Variants in HNRNPLL observed in about 807,000 individuals in gnomAD.
HNRNPLL encodes heterogeneous nuclear ribonucleoprotein L-like.
HNRNPLL carries 25 observed loss-of-function variants against 67.1 expected under a neutral mutation model. The ratio of observed to expected loss-of-function variants is 0.37; its 90% confidence interval spans 0.27 to 0.52. The LOEUF is 0.52. HNRNPLL is among the 20% of genes least tolerant of loss of function. The pLI is 0.90. For missense variants in HNRNPLL, 542 were observed against 673.9 expected (o/e 0.80, Z 2.17); for synonymous variants, 267 against 241.7 (o/e 1.10, Z -0.97).
At chr2:38,592,594 A>G (rs1350406795) in intron 1 of HNRNPLL, among the ~76,000 whole-genome samples, 1 of 152,272 alleles carries the variant, frequency 6.6e-6, no homozygotes, top group African/African-American at 2.4e-5. Context: ...ATCTTCGAGT[A>G]TGCCAGGCAG....
At chr2:38,584,027 T>C (rs1363723454) in intron 3 of HNRNPLL, 101 bp from the exon 4 acceptor site, 9 of 498,646 alleles carry the variant, frequency 1.8e-5, no homozygotes, top group Non-Finnish European at 3.3e-5. Context: ...ACTGTCAAGA[T>C]GTCATTTCTA....
At chr2:38,570,753 A>C (rs1421758261) in intron 8 of HNRNPLL, among the ~76,000 whole-genome samples, 1 of 152,160 alleles carries the variant, frequency 6.6e-6, no homozygotes, top group Non-Finnish European at 1.5e-5. Flanking sequence ...CTGAAACTGC[A>C]GACAATCCCT....
chr2:38,571,901 A>C (rs1666099717), intron 8 of HNRNPLL, among the ~76,000 whole-genome samples: 1 of 152,210 alleles, frequency 6.6e-6, no homozygotes, highest in South Asian at 2.1e-4. Flanking sequence ...TGAGTTTCTA[A>C]ATCATATGAG....
chr2:38,581,501 G>C (rs536132038), intron 6 of HNRNPLL: 445 of 221,918 alleles, frequency 2.0e-3, no homozygotes, highest in Non-Finnish European at 2.8e-3. Context: ...ATGAAGTGTA[G>C]AGTCAGCCTG....
At chr2:38,574,789 T>C (rs1225157796) in intron 7 of HNRNPLL, among the ~76,000 whole-genome samples, 3 of 151,842 alleles carry the variant, frequency 2.0e-5, no homozygotes, top group African/African-American at 7.2e-5. Flanking sequence ...TTATTGGCAA[T>C]TGGTAGTTTA....
At position 38,569,768 on chromosome 2, in the gene HNRNPLL, A is replaced by AT. The variant is rs763560553; in HGVS notation, c.1214+35dup. On this transcript the variant is annotated intron_variant, in intron 9 of 12. Coordinates refer to ENST00000449105, the MANE Select transcript of HNRNPLL (RefSeq NM_138394.4). ...ATAAAAAGGACAAAGATTTTTAAAT[A>AT]TTTTTTAAAATTTATCATTTAAGAT... is the stretch of plus-strand genomic sequence containing the variant. 5.3e-6 allele frequency: 6 copies of AT among 1,129,476 alleles called. No homozygotes were observed. The Admixed American group carries it at 1.3e-4, about 25-fold the overall frequency. 70.0% of individuals were successfully genotyped at this position (1,129,476 alleles called of 1,614,324 possible). A position where few individuals can be genotyped will look rare whatever the true frequency, so the allele number is the denominator to read the frequency against.
intron 2 of HNRNPLL, among the ~76,000 whole-genome samples, chr2:38,588,546 CAAAAAAAAAAAA>C (rs70954733): frequency 2.0e-5 from 1 of 51,018 alleles, no homozygotes; most frequent in Non-Finnish European, 4.7e-5. Flanking sequence ...AACTCCATCT[CAAAAAAAAAAAA>C]AAAAAAAAAG....
At chr2:38,593,816 T>C (rs966966164) in intron 1 of HNRNPLL, among the ~76,000 whole-genome samples, 7 of 151,426 alleles carry the variant, frequency 4.6e-5, no homozygotes, top group South Asian at 4.2e-4. Context: ...TGAGCCGAGA[T>C]TGTGCCACTG....
Position 38,585,639 on chromosome 2 carries a change from C to T in HNRNPLL, c.546+5G>A, listed in dbSNP as rs1302894801. 6.5e-7 allele frequency: 1 copy of T among 1,534,816 alleles called. No homozygotes were observed. Among genetic ancestry groups the T allele is most frequent in the African/African-American group, 1.4e-5 (1 of 73,400 alleles). ...TAATTTCATTTGTCATATTAAAACA[C>T]ATACCACTGTAATTGGATAAAGCGG... On this transcript the variant is annotated splice_donor_5th_base_variant and intron_variant, in intron 3 of 12. Coordinates refer to ENST00000449105, the MANE Select transcript of HNRNPLL (RefSeq NM_138394.4).
chr2:38,574,581 G>A (rs1666226167), intron 7 of HNRNPLL, among the ~76,000 whole-genome samples: 1 of 151,708 alleles, frequency 6.6e-6, no homozygotes, highest in South Asian at 2.1e-4. Context: ...CTAAATTTTG[G>A]TATTCATAAC....
intron 6 of HNRNPLL, among the ~76,000 whole-genome samples, chr2:38,580,789 C>A (rs981465856): frequency 6.6e-6 from 1 of 152,152 alleles, no homozygotes; most frequent in African/African-American, 2.4e-5. Context: ...ATGAAATGCT[C>A]TTATTTTCAG....
chr2:38,577,857 A>C, intron 6 of HNRNPLL: 1 of 475,894 alleles, frequency 2.1e-6, no homozygotes, highest in Non-Finnish European at 4.3e-6. Context: ...CACTGTACAG[A>C]AGTTTTTACC....
At chr2:38,599,334 A>C (rs927527888) in intron 1 of HNRNPLL, among the ~76,000 whole-genome samples, 4 of 152,106 alleles carry the variant, frequency 2.6e-5, no homozygotes, top group African/African-American at 9.7e-5. Flanking sequence ...ATAAATTAGC[A>C]CTCCATCCCA....
At position 38,575,018 on chromosome 2, in the gene HNRNPLL, C is replaced by G. The variant is rs148654095; in HGVS notation, c.875-1591G>C. On this transcript the variant is annotated intron_variant, in intron 7 of 12. Coordinates refer to ENST00000449105, the MANE Select transcript of HNRNPLL (RefSeq NM_138394.4). ...TTTCACTATCATCACACTAAATTTT[C>G]TTTTTCATGGAAGTAGAAAGACACA... Among the ~76,000 whole-genome samples the G allele has an allele frequency of 4.7e-4, 71 of 151,782 alleles. 4 individuals carry two copies. In the East Asian group the frequency reaches 0.014, roughly 29 times the overall value.
intron 2 of HNRNPLL, among the ~76,000 whole-genome samples, chr2:38,588,484 G>A (rs1188524965): frequency 6.8e-6 from 1 of 146,604 alleles, no homozygotes; most frequent in East Asian, 2.0e-4. Context: ...GGAGGGCAGA[G>A]GTTGCAGTGA....
intron 12 of HNRNPLL, among the ~76,000 whole-genome samples, chr2:38,565,133 C>T (rs1665806931): frequency 6.6e-6 from 1 of 151,940 alleles, no homozygotes; most frequent in Non-Finnish European, 1.5e-5. Flanking sequence ...AAGCAAAGAA[C>T]CAGTTTTGCT....
chr2:38,577,489 G>C lies in HNRNPLL; in HGVS notation c.846C>G (p.His282Gln). The change falls in exon 7 of 13, where the codon CAC becomes CAG. Residue 282 changes from histidine (H) to glutamine (Q), a missense_variant. His to Gln is a conservative substitution (Grantham distance 24). This residue lies in a region of HNRNPLL where 415 missense variants were observed against 575.2 expected (regional missense o/e 0.72). Transcript: ENST00000449105. ...AGCCATCATGTCTAAACGAAGAAGG[G>C]TGTTCTCCCAAAATGGCTTGTCTCT... ...GRQRQAILGEHPSSFRHDGYG... is the reference protein window; with the variant it reads ...GRQRQAILGEQPSSFRHDGYG... 1 of 1,609,316 alleles carries C rather than the reference G, an allele frequency of 6.2e-7. No homozygotes were observed. Among genetic ancestry groups the C allele is most frequent in the Non-Finnish European group, 8.5e-7 (1 of 1,175,910 alleles).
At position 38,585,714 on chromosome 2, in the gene HNRNPLL, G is replaced by C. The variant is rs773133460; in HGVS notation, c.476C>G (p.Thr159Ser). The C allele has an allele frequency of 1.5e-5, 24 of 1,613,826 alleles. No homozygotes were observed. Among genetic ancestry groups the C allele is most frequent in the Admixed American group, 3.3e-5 (2 of 59,994 alleles). ...TSKRITRPGNTDDPSGGNKVL... is the reference protein window; with the variant it reads ...TSKRITRPGNSDDPSGGNKVL... ...TTTGTTGCCTCCTGATGGATCATCA[G>C]TATTTCCTGGCCGAGTGATCCTTTT... is the stretch of plus-strand genomic sequence containing the variant. The change falls in exon 3 of 13, where the codon ACT becomes AGT. Residue 159 changes from threonine (T) to serine (S), a missense_variant. Physicochemically the swap from Thr to Ser is moderately conservative, Grantham distance 58. Around this residue, in one of 2 missense-constraint regions of HNRNPLL, gnomAD observed 415 missense variants for 575.2 expected, o/e 0.72. Coordinates refer to ENST00000449105, the MANE Select transcript of HNRNPLL (RefSeq NM_138394.4).
chr2:38,591,509 T>A, intron 2 of HNRNPLL, 21 bp downstream of exon 2: 1 of 1,190,036 alleles, frequency 8.4e-7, no homozygotes, highest in Non-Finnish European at 1.3e-6. Flanking sequence ...TCAATCTACA[T>A]GAAGTCCCTA....
Sources: allele counts gnomAD v4.1 joint callset (sites outside exome capture counted in the v4.1 genomes callset), GRCh38; gene constraint gnomAD v4.1.1; regional missense constraint gnomAD v4.1.1; transcripts MANE v1.5; gene names NCBI Gene and HGNC (gene_info 2026-07-23, HGNC 2026-07-21).